CLCN3: variants seen among roughly 807,000 people sequenced by gnomAD.
CLCN3 encodes the protein H(+)/Cl(-) exchange transporter 3.
A neutral mutation model predicts 83.4 loss-of-function variants in CLCN3; 16 were observed. The observed-to-expected ratio is 0.19, with a 90% CI of 0.13 to 0.29. The LOEUF is 0.29. Ranked by LOEUF, CLCN3 falls within the 10% of genes least tolerant of loss-of-function variation. The pLI is 1.00. For missense variants in CLCN3, 544 were observed against 1,006.0 expected, an observed-to-expected ratio of 0.54 and a Z score of 6.21; for synonymous variants, 322 against 346.2, an observed-to-expected ratio of 0.93 and a Z score of 0.78.
chr4:169,699,576 T>C (rs888553612), intron 9 of CLCN3, among the ~76,000 whole-genome samples: 2 of 152,080 alleles, frequency 1.3e-5, no homozygotes, highest in Non-Finnish European at 2.9e-5. Context: ...CCACTGAGTA[T>C]CTAGAGTTAA....
At chr4:169,701,093 T>C (rs185671238) in intron 9 of CLCN3, among the ~76,000 whole-genome samples, 1 of 152,368 alleles carries the variant, frequency 6.6e-6, no homozygotes, top group East Asian at 1.9e-4. Context: ...GTAGACCTTC[T>C]TTTCAAAATT....
At chr4:169,679,659 C>A (rs1007917666) in intron 2 of CLCN3, among the ~76,000 whole-genome samples, 15 of 152,168 alleles carry the variant, frequency 9.9e-5, no homozygotes, top group African/African-American at 3.4e-4. Flanking sequence ...GAGGCCGAGG[C>A]GGGCAGATCA....
chr4:169,671,654 A>G (rs1279449728), intron 2 of CLCN3, among the ~76,000 whole-genome samples: 1 of 152,192 alleles, frequency 6.6e-6, no homozygotes, highest in Non-Finnish European at 1.5e-5. Context: ...AGAAGCCTAC[A>G]TTTGAAACTG....
intron 11 of CLCN3, among the ~76,000 whole-genome samples, chr4:169,712,036 T>G (rs1178512949): frequency 6.7e-6 from 1 of 150,078 alleles, no homozygotes; most frequent in African/African-American, 2.5e-5. Flanking sequence ...TTTTTTTTTT[T>G]TTTTTTTGTA....
intron 2 of CLCN3, chr4:169,660,129 G>A: frequency 9.1e-7 from 1 of 1,093,516 alleles, no homozygotes; most frequent in South Asian, 4.3e-5. Context: ...AGAAGGCTGT[G>A]CCGCCTCTAA....
At chr4:169,689,280 G>T in intron 5 of CLCN3, 50 bp downstream of exon 5, 1 of 1,488,094 alleles carries the variant, frequency 6.7e-7, no homozygotes, top group Non-Finnish European at 9.2e-7. Flanking sequence ...ATAGCAAAAT[G>T]TTTCCAATTC....
At chr4:169,708,649 C>T (rs777842334) in intron 11 of CLCN3, among the ~76,000 whole-genome samples, 2 of 152,072 alleles carry the variant, frequency 1.3e-5, no homozygotes, top group Non-Finnish European at 1.5e-5. Context: ...GGGGAAAAGG[C>T]CAGGCATGTT....
intron 11 of CLCN3, among the ~76,000 whole-genome samples, chr4:169,709,146 A>T (rs1294779821): frequency 6.7e-6 from 1 of 149,052 alleles, no homozygotes. Context: ...TATATAAATT[A>T]AAAATGTATG....
Position 169,719,958 on chromosome 4 carries a change from G to A in CLCN3, c.2418G>A (p.Gln806=), listed in dbSNP as rs761122389. The change falls in exon 13 of 13, where the codon CAG becomes CAA. Residue 806 remains glutamine, a synonymous_variant. Coordinates refer to ENST00000513761, the MANE Select transcript of CLCN3 (RefSeq NM_001829.4). The stretch of plus-strand genomic sequence containing the variant: ...AAGATATCCTCCGGCATATGGCCCA[G>A]ACGGCAAACCAAGACCCCGCTTCAA... ...TKKDILRHMA[Q]TANQDPASIM... 6.2e-6 allele frequency: 10 copies of A among 1,613,848 alleles called. No homozygotes were observed. The highest frequency in any genetic ancestry group is 3.3e-4 in the Middle Eastern group (2 of 6,084).
chr4:169,694,111 GA>G (rs1732477834), intron 7 of CLCN3, among the ~76,000 whole-genome samples: 1 of 151,816 alleles, frequency 6.6e-6, no homozygotes, highest in Non-Finnish European at 1.5e-5. Context: ...AAAAAAAAAA[GA>G]AGCTAAATTT....
chr4:169,714,805 G>A (rs1403172090), intron 12 of CLCN3, among the ~76,000 whole-genome samples: 1 of 152,044 alleles, frequency 6.6e-6, no homozygotes, highest in African/African-American at 2.4e-5. Flanking sequence ...AGGGAGTTTA[G>A]AATTATTAAA....
At chr4:169,626,352 G>A (rs1273908927) in intron 1 of CLCN3, among the ~76,000 whole-genome samples, 1 of 152,184 alleles carries the variant, frequency 6.6e-6, no homozygotes, top group Non-Finnish European at 1.5e-5. Context: ...CACTCCTTTT[G>A]GGTTTTTATG....
At chr4:169,641,008 A>G (rs1730398932) in intron 2 of CLCN3, among the ~76,000 whole-genome samples, 1 of 152,204 alleles carries the variant, frequency 6.6e-6, no homozygotes. Context: ...CTGATTATGT[A>G]TAGACTGAGA....
intron 11 of CLCN3, among the ~76,000 whole-genome samples, chr4:169,708,839 CAT>C (rs1733088892): frequency 6.6e-6 from 1 of 151,890 alleles, no homozygotes; most frequent in Non-Finnish European, 1.5e-5. Flanking sequence ...ATGTTAGTCA[CAT>C]GACTTTCTAA....
intron 2 of CLCN3, among the ~76,000 whole-genome samples, chr4:169,664,614 T>G (rs563702274): frequency 1.3e-5 from 2 of 152,362 alleles, no homozygotes; most frequent in East Asian, 3.9e-4. Flanking sequence ...CTTTATTTGG[T>G]GTCAGAAACT....
At chr4:169,693,335 A>G (rs1278673293) in intron 7 of CLCN3, among the ~76,000 whole-genome samples, 1 of 152,222 alleles carries the variant, frequency 6.6e-6, no homozygotes, top group African/African-American at 2.4e-5. Flanking sequence ...CTTTATAACA[A>G]AAATAGCTAG....
chr4:169,633,429 C>CATT (rs1368405138), intron 1 of CLCN3, among the ~76,000 whole-genome samples: 4 of 152,048 alleles, frequency 2.6e-5, no homozygotes, highest in African/African-American at 9.7e-5. Flanking sequence ...GGTGACTTTG[C>CATT]ATTATTTTTT....
intron 2 of CLCN3, among the ~76,000 whole-genome samples, chr4:169,670,831 G>A (rs182980305): frequency 5.0e-4 from 76 of 152,040 alleles, no homozygotes; most frequent in Non-Finnish European, 9.4e-4. Flanking sequence ...GGTCCTTCAC[G>A]TCTCTTTTAA....
Position 169,664,934 on chromosome 4 carries a change from A to T in CLCN3, c.161-15116A>T, listed in dbSNP as rs773731797. 9.8e-4 allele frequency among the ~76,000 whole-genome samples: 149 copies of T among 152,268 alleles called. 1 individual carries two copies. Among genetic ancestry groups the T allele is most frequent in the Admixed American group, 5.2e-4 (8 of 15,290 alleles). ...TGCAGGAGACTGGTAGTTTAAATTG[A>T]ACTTTAAGGTTTTGTTTCTTGTTTT... On this transcript the variant is annotated intron_variant, in intron 2 of 12. Transcript: ENST00000513761.
Sources: gnomAD v4.1 joint callset for allele counts (sites outside exome capture counted in the v4.1 genomes callset) on GRCh38, gnomAD v4.1.1 for gene constraint, MANE v1.5 for transcripts, NCBI Gene and HGNC (gene_info 2026-07-23, HGNC 2026-07-21) for gene names.